Variants in ZDHHC20 observed in about 807,000 individuals in gnomAD.
The protein encoded by ZDHHC20 is palmitoyltransferase ZDHHC20.
Under a neutral mutation model 57.8 loss-of-function variants are expected in ZDHHC20, and 43 were observed. The observed-to-expected ratio is 0.74, with a 90% CI of 0.58 to 0.96. The LOEUF is 0.96. Ranked by LOEUF, ZDHHC20 falls within the 40% of genes least tolerant of loss-of-function variation. The pLI, the probability that ZDHHC20 is intolerant of heterozygous loss-of-function variation, is 0.00. For synonymous variants in ZDHHC20, 157 were observed against 153.0 expected (o/e 1.03, Z -0.19); for missense variants, 391 against 441.1 (o/e 0.89, Z 1.02).
chr13:21,425,712 C>T (rs554921265), intron 1 of ZDHHC20, 34 bp from the exon 2 acceptor site: 1 of 1,046,698 alleles, frequency 9.6e-7, no homozygotes, highest in Non-Finnish European at 1.3e-6. Flanking sequence ...AATAAATATA[C>T]TTTAAACATT....
At chr13:21,382,048 A>G (rs1298633369) in intron 10 of ZDHHC20, 1 of 433,768 alleles carries the variant, frequency 2.3e-6, no homozygotes, top group Non-Finnish European at 4.7e-6. Flanking sequence ...AGGAAAAGGA[A>G]ACTAACATTT....
intron 9 of ZDHHC20, among the ~76,000 whole-genome samples, chr13:21,383,270 G>C (rs181340209): frequency 6.6e-6 from 1 of 152,270 alleles, no homozygotes; most frequent in Non-Finnish European, 1.5e-5. Flanking sequence ...AATCATGAGG[G>C]AGGGTTTTTC....
intron 4 of ZDHHC20, chr13:21,404,285 C>G (rs899134883): frequency 2.0e-6 from 1 of 493,448 alleles, no homozygotes; most frequent in African/African-American, 2.0e-5. Flanking sequence ...TTTTCTAAAG[C>G]CGACTTCCCC....
rs1236636325 is a variant in ZDHHC20 at position 21,402,700 on chromosome 13, G to GTCAAGTGTAAA, written c.440+86_440+96dup. Reference sequence around the variant, plus strand: ...TAATGGGAGAGGATGAAGTGTTCTTGTCAAGTGTAAAGCATATAAAATGTT... The same window carrying GTCAAGTGTAAA: ...TAATGGGAGAGGATGAAGTGTTCTTGTCAAGTGTAAATCAAGTGTAAAGCATATAAAATGTT... On this transcript the variant is annotated intron_variant, in intron 5 of 12. Coordinates refer to ENST00000400590, the MANE Select transcript of ZDHHC20 (RefSeq NM_001330059.2). 1.7e-5 allele frequency: 17 copies of GTCAAGTGTAAA among 988,194 alleles called. No homozygotes were observed. In the Middle Eastern group the frequency reaches 1.2e-3, roughly 72 times the overall value. The allele number at this position is 988,194 out of a possible 1,614,324, so 61.2% of individuals were successfully genotyped here.
chr13:21,394,318 A>C (rs1379865124), intron 7 of ZDHHC20, among the ~76,000 whole-genome samples: 1 of 152,044 alleles, frequency 6.6e-6, no homozygotes, highest in Non-Finnish European at 1.5e-5. Context: ...AATTCCCTTC[A>C]AGTTTTTGCT....
intron 2 of ZDHHC20, among the ~76,000 whole-genome samples, chr13:21,422,024 A>G (rs1008781167): frequency 6.6e-6 from 1 of 152,176 alleles, no homozygotes; most frequent in Non-Finnish European, 1.5e-5. Flanking sequence ...GATTTCAATT[A>G]AAGTACTTAT....
rs543092259 is a variant in ZDHHC20, at chr13:21,402,353, C to T, written c.440+444G>A. Reference sequence around the variant, plus strand: ...ACCAAACTCCAAATTTGCCTCCCTACTAGAATATGTATTCTATACTTATAT... The same window carrying T: ...ACCAAACTCCAAATTTGCCTCCCTATTAGAATATGTATTCTATACTTATAT... On this transcript the variant is annotated intron_variant, in intron 5 of 12. Coordinates refer to ENST00000400590, the MANE Select transcript of ZDHHC20 (RefSeq NM_001330059.2). Among the ~76,000 whole-genome samples, 230 of 152,096 alleles carry T rather than the reference C, an allele frequency of 1.5e-3. 2 individuals are homozygous for T. Among genetic ancestry groups the T allele is most frequent in the African/African-American group, 5.4e-3 (223 of 41,476 alleles).
chr13:21,386,123 A>G (rs1874431477), intron 9 of ZDHHC20, among the ~76,000 whole-genome samples: 1 of 152,240 alleles, frequency 6.6e-6, no homozygotes, highest in Non-Finnish European at 1.5e-5. Flanking sequence ...GACAATGGAT[A>G]AAGTATACAA....
intron 7 of ZDHHC20, among the ~76,000 whole-genome samples, chr13:21,393,378 G>A (rs1225024615): frequency 6.6e-6 from 1 of 151,408 alleles, no homozygotes; most frequent in African/African-American, 2.4e-5. Context: ...GTACACGCCT[G>A]TAATCCCAGC....
chr13:21,447,489 G>A lies in ZDHHC20; in HGVS notation c.118+11565C>T, dbSNP rs1405938965. On this transcript the variant is annotated intron_variant, in intron 1 of 12. Transcript: ENST00000400590. ...GGTGGAGACGGGGTTTGGCTGTGTT[G>A]GCCGGGCCGGTCTCCAGCCCCTAAC... Among the ~76,000 whole-genome samples the A allele has an allele frequency of 4.1e-5, 6 of 145,964 alleles. 1 individual carries two copies. Among genetic ancestry groups the A allele is most frequent in the African/African-American group, 1.0e-4 (4 of 40,182 alleles).
chr13:21,381,456 A>G lies in ZDHHC20; in HGVS notation c.1038T>C (p.Ala346=). The G allele has an allele frequency of 1.2e-6, 2 of 1,613,884 alleles. No individual in the cohort carries two copies. Among genetic ancestry groups the G allele is most frequent in the Non-Finnish European group, 1.7e-6 (2 of 1,179,810 alleles). Residue 346 remains alanine, a synonymous_variant, in exon 11 of 13, where the codon GCT becomes GCC. Transcript: ENST00000400590. ...TACCTGATTTGACGATGCCTTCTTC[A>G]GCTCCATTCTCCAGCCACTGAGATT... is the stretch of plus-strand genomic sequence containing the variant. ...DSESQWLENG[A]EEGIVKSGTN... is the part of the protein sequence containing the mutation.
intron 3 of ZDHHC20, among the ~76,000 whole-genome samples, chr13:21,414,607 G>C (rs1003548955): frequency 6.8e-6 from 1 of 146,370 alleles, no homozygotes; most frequent in Admixed American, 7.2e-5. Context: ...TCCTGACCTC[G>C]TGATCTGCCC....
intron 4 of ZDHHC20, among the ~76,000 whole-genome samples, chr13:21,403,908 G>A (rs1016261417): frequency 7.2e-5 from 11 of 152,026 alleles, no homozygotes; most frequent in Non-Finnish European, 1.3e-4. Context: ...GGCTGGTCTC[G>A]AACTCCTGAC....
intron 4 of ZDHHC20, among the ~76,000 whole-genome samples, chr13:21,410,526 G>A (rs1389204960): frequency 6.6e-6 from 1 of 152,228 alleles, no homozygotes; most frequent in East Asian, 1.9e-4. Context: ...CCCTGACTGA[G>A]GCTGCTGCCT....
intron 11 of ZDHHC20, among the ~76,000 whole-genome samples, chr13:21,380,497 A>G (rs143179520): frequency 2.6e-4 from 39 of 151,990 alleles, no homozygotes; most frequent in African/African-American, 8.7e-4. Context: ...TGGGACCCTA[A>G]AGAATAACAC....
chr13:21,432,395 T>G (rs1211329748), intron 1 of ZDHHC20, among the ~76,000 whole-genome samples: 2 of 151,790 alleles, frequency 1.3e-5, no homozygotes, highest in African/African-American at 2.4e-5. Context: ...AGTGGCGTGA[T>G]CTCGGCTCAC....
chr13:21,437,424 G>A (rs968452882), intron 1 of ZDHHC20, among the ~76,000 whole-genome samples: 6 of 152,284 alleles, frequency 3.9e-5, no homozygotes, highest in Non-Finnish European at 7.4e-5. Context: ...ACAGATGCTC[G>A]CTGCAGATGA....
intron 3 of ZDHHC20, 36 bp downstream of exon 3, chr13:21,421,025 T>C: frequency 6.4e-7 from 1 of 1,553,520 alleles, no homozygotes. Flanking sequence ...CCATAATCAG[T>C]TAAAACATTT....
intron 1 of ZDHHC20, among the ~76,000 whole-genome samples, chr13:21,431,364 C>T (rs1233702506): frequency 2.0e-5 from 3 of 152,258 alleles, no homozygotes; most frequent in East Asian, 3.9e-4. Flanking sequence ...GGAAACCACC[C>T]CCATGATTCA....
Sources: allele counts gnomAD v4.1 joint callset (sites outside exome capture counted in the v4.1 genomes callset), GRCh38; gene constraint gnomAD v4.1.1; transcripts MANE v1.5; gene names NCBI Gene and HGNC (gene_info 2026-07-23, HGNC 2026-07-21).